FARS2: variants seen among roughly 807,000 people sequenced by gnomAD.
The protein encoded by FARS2 is phenylalanine--tRNA ligase, mitochondrial.
FARS2 carries 40 observed loss-of-function variants against 46.4 expected under a neutral mutation model. The ratio of observed to expected loss-of-function variants is 0.86; its 90% CI spans 0.67 to 1.12. The LOEUF (loss-of-function observed/expected upper bound fraction) is 1.12. Among genes scored for constraint, FARS2 ranks in the 50% most tolerant of loss-of-function variants. The pLI is 0.00. For synonymous variants in FARS2, 234 were observed against 214.9 expected (o/e 1.09, Z -0.78); for missense variants, 513 against 567.9 (o/e 0.90, Z 0.98).
intron 1 of FARS2, among the ~76,000 whole-genome samples, chr6:5,263,168 T>C (rs1428498527): frequency 6.6e-6 from 1 of 152,252 alleles, no homozygotes; most frequent in African/African-American, 2.4e-5. Flanking sequence ...GTTGGAATAA[T>C]TACTATATAC....
At chr6:5,614,458 G>A (rs1259413385) in intron 6 of FARS2, among the ~76,000 whole-genome samples, 1 of 149,036 alleles carries the variant, frequency 6.7e-6, no homozygotes, top group African/African-American at 2.5e-5. Context: ...CGCCCAGGCT[G>A]GAGTGCAGTG....
At chr6:5,354,310 A>C (rs1053159163) in intron 1 of FARS2, among the ~76,000 whole-genome samples, 1 of 152,084 alleles carries the variant, frequency 6.6e-6, no homozygotes, top group Non-Finnish European at 1.5e-5. Flanking sequence ...GGAGGAGCTG[A>C]GTACTATTAT....
At chr6:5,262,764 T>C (rs1408458443) in intron 1 of FARS2, among the ~76,000 whole-genome samples, 1 of 152,258 alleles carries the variant, frequency 6.6e-6, no homozygotes, top group Non-Finnish European at 1.5e-5. Context: ...CCCTGATTTC[T>C]TGAAAATCTC....
intron 4 of FARS2, among the ~76,000 whole-genome samples, chr6:5,464,121 A>G (rs556452502): frequency 6.6e-6 from 1 of 152,340 alleles, no homozygotes; most frequent in African/African-American, 2.4e-5. Flanking sequence ...TCTAAGCAGC[A>G]TTTATTGAAC....
upstream of FARS2, chr6:5,260,536 C>G (rs1410549107): frequency 7.0e-7 from 1 of 1,420,896 alleles, no homozygotes; most frequent in African/African-American, 1.4e-5. Flanking sequence ...GCCTCGCAGC[C>G]GCCGGCAAAC....
intron 5 of FARS2, among the ~76,000 whole-genome samples, chr6:5,574,731 T>G (rs1772858353): frequency 6.6e-6 from 1 of 152,156 alleles, no homozygotes; most frequent in South Asian, 2.1e-4. Context: ...ATCAAATCAT[T>G]TAATGAATAA....
intron 1 of FARS2, among the ~76,000 whole-genome samples, chr6:5,367,963 A>C (rs1240079401): frequency 2.0e-5 from 3 of 152,202 alleles, no homozygotes; most frequent in Admixed American, 2.0e-4. Flanking sequence ...TTTTTAAAAA[A>C]ATTAGTAATG....
intron 6 of FARS2, among the ~76,000 whole-genome samples, chr6:5,690,349 G>T (rs9378438): frequency 6.6e-6 from 1 of 151,818 alleles, no homozygotes; most frequent in African/African-American, 2.4e-5. Context: ...TTGTTCCTTT[G>T]CATGTTTAGT....
chr6:5,534,860 C>T (rs1189731187), intron 4 of FARS2, among the ~76,000 whole-genome samples: 4 of 141,338 alleles, frequency 2.8e-5, no homozygotes, highest in East Asian at 2.0e-4. Flanking sequence ...CTTGCACGCG[C>T]ACACACACAC....
intron 6 of FARS2, among the ~76,000 whole-genome samples, chr6:5,759,539 A>G (rs1210227492): frequency 6.6e-6 from 1 of 152,112 alleles, no homozygotes; most frequent in Non-Finnish European, 1.5e-5. Context: ...TGAATAAATG[A>G]ATTGAGTGGA....
At chr6:5,476,077 A>C (rs1398014991) in intron 4 of FARS2, among the ~76,000 whole-genome samples, 1 of 152,160 alleles carries the variant, frequency 6.6e-6, no homozygotes, top group Non-Finnish European at 1.5e-5. Context: ...CCCTTCTGAG[A>C]AAATGTCACT....
At chr6:5,487,472 T>C (rs1328393690) in intron 4 of FARS2, among the ~76,000 whole-genome samples, 1 of 152,168 alleles carries the variant, frequency 6.6e-6, no homozygotes, top group Admixed American at 6.5e-5. Context: ...CATACCTCAA[T>C]GATATGTTTT....
intron 6 of FARS2, among the ~76,000 whole-genome samples, chr6:5,677,788 C>T (rs1031188109): frequency 2.0e-4 from 31 of 152,180 alleles, no homozygotes; most frequent in African/African-American, 7.5e-4. Context: ...GAAGGGTTCA[C>T]ATGTCTGTTT....
At chr6:5,687,756 T>G (rs1757357502) in intron 6 of FARS2, among the ~76,000 whole-genome samples, 1 of 152,248 alleles carries the variant, frequency 6.6e-6, no homozygotes, top group African/African-American at 2.4e-5. Context: ...GGTAACTTGA[T>G]GGGTATGGCA....
intron 6 of FARS2, among the ~76,000 whole-genome samples, chr6:5,725,588 T>C (rs1760198070): frequency 6.6e-6 from 1 of 152,048 alleles, no homozygotes; most frequent in Non-Finnish European, 1.5e-5. Context: ...AGCAAATGAG[T>C]TGATGCATGT....
intron 6 of FARS2, among the ~76,000 whole-genome samples, chr6:5,669,490 A>G (rs1047570630): frequency 4.0e-5 from 6 of 151,332 alleles, no homozygotes; most frequent in African/African-American, 1.5e-4. Flanking sequence ...TTTGTAAGTG[A>G]CCATTTTTCC....
intron 1 of FARS2, among the ~76,000 whole-genome samples, chr6:5,294,852 G>A (rs890972296): frequency 2.0e-5 from 3 of 152,010 alleles, no homozygotes; most frequent in African/African-American, 7.3e-5. Context: ...GGGTTTTTAC[G>A]GAAGCTTCAT....
In FARS2 at chr6:5,270,559, T is replaced by A. The variant is rs566142298; in HGVS notation, c.-22+8899T>A. Among the ~76,000 whole-genome samples the A allele has an allele frequency of 2.6e-3, 396 of 152,356 alleles. 3 individuals carry two copies. Among genetic ancestry groups the A allele is most frequent in the Non-Finnish European group, 4.3e-3 (294 of 68,034 alleles). On this transcript the variant is annotated intron_variant, in intron 1 of 6. Coordinates refer to ENST00000274680, the MANE Select transcript of FARS2 (RefSeq NM_006567.5). Reference sequence around the variant, plus strand: ...ACAGTGTTTGCTGAAATTTTTCTGTTGTCTTGAAAGCTATTTGAAAATGAA... The same window carrying A: ...ACAGTGTTTGCTGAAATTTTTCTGTAGTCTTGAAAGCTATTTGAAAATGAA...
intron 5 of FARS2, among the ~76,000 whole-genome samples, chr6:5,551,419 A>G (rs1170654181): frequency 6.6e-6 from 1 of 152,164 alleles, no homozygotes; most frequent in African/African-American, 2.4e-5. Flanking sequence ...CACAGTCTAT[A>G]ACATCCATAT....
Sources: allele counts gnomAD v4.1 joint callset (sites outside exome capture counted in the v4.1 genomes callset), GRCh38; gene constraint gnomAD v4.1.1; transcripts MANE v1.5; gene names NCBI Gene and HGNC (gene_info 2026-07-23, HGNC 2026-07-21).